The following TMEM52 variants were observed in gnomAD, a reference collection of about 807,000 sequenced individuals.
The protein encoded by TMEM52 is transmembrane protein 52.
In TMEM52, 14 loss-of-function variants were observed where a neutral mutation model predicts 16.2. That is an observed-to-expected ratio of 0.87 (90% CI 0.57 to 1.35). The LOEUF (loss-of-function observed/expected upper bound fraction) is 1.35. TMEM52 is among the 40% of genes most tolerant of loss of function. TMEM52 has a pLI of 0.00. For synonymous variants in TMEM52, 136 were observed against 124.7 expected (o/e 1.09, Z -0.60); for missense variants, 309 against 278.6 (o/e 1.11, Z -0.78).
chr1:1,918,983 C>A (rs1280373236), intron 2 of TMEM52, 49 bp from the exon 3 acceptor site: 2 of 1,346,792 alleles, frequency 1.5e-6, no homozygotes, highest in South Asian at 1.9e-5. Flanking sequence ...GACGGCCGAC[C>A]TCGCCACCCG....
At chr1:1,918,775 G>T in intron 3 of TMEM52, 118 bp downstream of exon 3, 2 of 1,238,550 alleles carry the variant, frequency 1.6e-6, no homozygotes, top group Non-Finnish European at 1.1e-6. Context: ...TCCCGCCAGC[G>T]GCCGGGACTG....
rs1222028061 is a variant in TMEM52 at position 1,918,432 on chromosome 1, C to CTA, written c.171-3_171-2dup. On this transcript the variant is annotated splice_acceptor_variant, in intron 3 of 4. Transcript: ENST00000310991. LOFTEE classifies it high-confidence loss of function. ...CAGGAGGACCGCCAGCAGGATGAGC[C>CTA]TAGGAGAGCAAGGCTCTACCACTGG... 2 of 1,610,976 alleles carry CTA rather than the reference C, an allele frequency of 1.2e-6. No individual in the cohort carries two copies. The highest frequency in any genetic ancestry group is 2.2e-5 in the South Asian group (2 of 90,736).
At position 1,918,430 on chromosome 1, in the gene TMEM52, G is replaced by C. The variant is rs1323291728; in HGVS notation, c.172C>G (p.Leu58Val). The C allele has an allele frequency of 1.2e-5, 20 of 1,610,912 alleles. No individual in the cohort carries two copies. Among genetic ancestry groups the C allele is most frequent in the Non-Finnish European group, 1.6e-5 (19 of 1,179,080 alleles). ...ARWSSLWHVG[L>V]ILLAVLLLLL... ...AGCAGGAGGACCGCCAGCAGGATGAGCCTAGGAGAGCAAGGCTCTACCACT... is the reference window on the plus strand; with the variant it reads ...AGCAGGAGGACCGCCAGCAGGATGACCCTAGGAGAGCAAGGCTCTACCACT... Residue 58 changes from leucine to valine, a missense_variant and splice_region_variant, in exon 4 of 5, where the codon CTC becomes GTC. Physicochemically the swap from Leu to Val is conservative, Grantham distance 32 (BLOSUM62 1). Coordinates refer to ENST00000310991, the MANE Select transcript of TMEM52 (RefSeq NM_178545.4).
Position 1,917,849 on chromosome 1 carries a change from T to C in TMEM52, c.*33A>G. ...TGGGGCCCTTGGCTCCAAGCATTAG[T>C]TCTCCAAGCTCTGGTCCGTTCTCCT... On this transcript the variant is annotated 3_prime_UTR_variant, in exon 5 of 5. Transcript: ENST00000310991. 1 of 1,597,482 alleles carries C rather than the reference T, an allele frequency of 6.3e-7. No individual in the cohort carries two copies. The highest frequency in any genetic ancestry group is 8.5e-7 in the Non-Finnish European group (1 of 1,169,872).
chr1:1,917,848 G>A lies in TMEM52; in HGVS notation c.*34C>T. ...CTGGGGCCCTTGGCTCCAAGCATTA[G>A]TTCTCCAAGCTCTGGTCCGTTCTCC... On this transcript the variant is annotated 3_prime_UTR_variant, in exon 5 of 5. Coordinates refer to ENST00000310991, the MANE Select transcript of TMEM52 (RefSeq NM_178545.4). 6 of 1,597,268 alleles carry A rather than the reference G, an allele frequency of 3.8e-6. No individual in the cohort carries two copies. The highest frequency in any genetic ancestry group is 5.1e-6 in the Non-Finnish European group (6 of 1,169,706).
chr1:1,918,362 G>A lies in TMEM52; in HGVS notation c.240C>T (p.Cys80=), dbSNP rs1221520125. 1 of 1,612,784 alleles carries A rather than the reference G, an allele frequency of 6.2e-7. No individual in the cohort carries two copies. Among genetic ancestry groups the A allele is most frequent in the Non-Finnish European group, 8.5e-7 (1 of 1,179,978 alleles). ...GCTGGGCCTGTGCCTGCTTCCGGAG[G>A]CAGCAGAACCGGACACAACCAGCTG... The part of the protein sequence containing the change: ...GVTAGCVRFC[C]LRKQAQAQPH... Residue 80 remains cysteine (C), a synonymous_variant, in exon 4 of 5, where the codon TGC becomes TGT. Transcript: ENST00000310991.
rs779897255 is a variant in TMEM52 at position 1,918,845 on chromosome 1, C to T, written c.170+48G>A. 3.4e-6 allele frequency: 5 copies of T among 1,492,162 alleles called. No homozygotes were observed. The South Asian group carries it at 5.1e-5, about 15-fold the overall frequency. The allele number at this position is 1,492,162 out of a possible 1,614,324, so 92.4% of individuals were successfully genotyped here. The stretch of plus-strand genomic sequence containing the variant: ...CTGGCGGGCCTGGCCCCGGTGACCC[C>T]CGCCCCAGAACCGTCGGACGCACGG... On this transcript the variant is annotated intron_variant, in intron 3 of 4. Transcript: ENST00000310991.
At chr1:1,919,143 C>T in intron 1 of TMEM52, 39 bp downstream of exon 1, 1 of 1,361,938 alleles carries the variant, frequency 7.3e-7, no homozygotes, top group Non-Finnish European at 9.4e-7. Flanking sequence ...GGACCCGCCC[C>T]GCGGTGGCCG....
chr1:1,918,297 ACTGC>A lies in TMEM52; in HGVS notation c.301_304del (p.Ala101SerfsTer14), dbSNP rs778295845. ...AGGGCTGTCACTGTCCATAGGGATG[ACTGC>A]CACGTCGCAGGGCTGCCGTGCTGGT... On this transcript the variant is annotated frameshift_variant, in exon 4 of 5. Coordinates refer to ENST00000310991, the MANE Select transcript of TMEM52 (RefSeq NM_178545.4). LOFTEE classifies it low-confidence loss of function (END_TRUNC). 2 of 1,612,860 alleles carry A rather than the reference ACTGC, an allele frequency of 1.2e-6. No individual in the cohort carries two copies. Among genetic ancestry groups the A allele is most frequent in the Admixed American group, 3.3e-5 (2 of 60,008 alleles).
At position 1,918,152 on chromosome 1, in the gene TMEM52, G is replaced by A. The variant is rs759748151; in HGVS notation, c.360C>T (p.Ser120=). The change falls in exon 5 of 5, where the codon TCC becomes TCT. Residue 120 remains serine, a synonymous_variant. Coordinates refer to ENST00000310991, the MANE Select transcript of TMEM52 (RefSeq NM_178545.4). ...ACCGCATGCCCAGTGGGTACTGCAC[G>A]GAGCTGTAGGCTGCAGGGAACCAGA... The part of the protein sequence containing the change: ...PVHSTVTSYS[S]VQYPLGMRLP... 17 of 1,612,160 alleles carry A rather than the reference G, an allele frequency of 1.1e-5. No individual in the cohort carries two copies. The highest frequency in any genetic ancestry group is 1.3e-5 in the African/African-American group (1 of 74,898).
At chr1:1,919,016 A>G (rs1353851994) in intron 2 of TMEM52, 29 bp downstream of exon 2, 4 of 1,336,652 alleles carry the variant, frequency 3.0e-6, no homozygotes, top group East Asian at 3.1e-5. Flanking sequence ...GGGCGGGGCC[A>G]GGCCCCGGCT....
At chr1:1,918,857 C>T (rs895172194) in intron 3 of TMEM52, 36 bp downstream of exon 3, 149 of 1,483,456 alleles carry the variant, frequency 1.0e-4, no homozygotes, top group Non-Finnish European at 1.3e-4. Context: ...GCCCCAGAAC[C>T]GTCGGACGCA....
Position 1,917,756 on chromosome 1 carries a change from C to A in TMEM52, c.*126G>T. ...AAGCAGCAGCCTGCCTAGTGGGTGACGCCAGGGGCCGGTGTAACATGGCAC... is the reference window on the plus strand; with the variant it reads ...AAGCAGCAGCCTGCCTAGTGGGTGAAGCCAGGGGCCGGTGTAACATGGCAC... On this transcript the variant is annotated 3_prime_UTR_variant, in exon 5 of 5. Transcript: ENST00000310991. 2.7e-6 allele frequency: 3 copies of A among 1,118,302 alleles called. No individual in the cohort carries two copies. The highest frequency in any genetic ancestry group is 3.9e-6 in the Non-Finnish European group (3 of 772,696). The allele number at this position is 1,118,302 out of a possible 1,614,324, so 69.3% of individuals were successfully genotyped here.
intron 3 of TMEM52, 27 bp from the exon 4 acceptor site, chr1:1,918,458 A>C (rs1170172131): frequency 1.3e-5 from 20 of 1,598,804 alleles, no homozygotes; most frequent in Non-Finnish European, 1.7e-5. Context: ...CTACCACTGG[A>C]CTGACCCTCG....
Position 1,917,646 on chromosome 1 carries a change from C to T in TMEM52, c.*236G>A. On this transcript the variant is annotated 3_prime_UTR_variant, in exon 5 of 5. Coordinates refer to ENST00000310991, the MANE Select transcript of TMEM52 (RefSeq NM_178545.4). ...AAGAAGATGCAGACGTCACAGGTGG[C>T]CCTGAGCTCCCACCCGAGGCTTAGG... 5.1e-6 allele frequency: 3 copies of T among 591,748 alleles called. No individual in the cohort carries two copies. Among genetic ancestry groups the T allele is most frequent in the Non-Finnish European group, 9.0e-6 (3 of 333,516 alleles). The allele number at this position is 591,748 out of a possible 1,614,324, so 36.7% of individuals were successfully genotyped here. A position where few individuals can be genotyped will look rare whatever the true frequency, so the allele number is the denominator to read the frequency against.
chr1:1,918,686 C>A, intron 3 of TMEM52: 1 of 699,266 alleles, frequency 1.4e-6, no homozygotes. Context: ...TGCCCCACTG[C>A]TGAGCGGGAT....
rs764344012 is a variant in TMEM52 at position 1,918,586 on chromosome 1, C to T, written c.171-155G>A. ...GAGACCGCCGTGGCCAGAGCCTGGC[C>T]TCGGGCTGCTGGGCCTGCCCTGGCT... On this transcript the variant is annotated intron_variant, in intron 3 of 4. Transcript: ENST00000310991. The T allele has an allele frequency of 4.9e-6, 4 of 809,064 alleles. No individual in the cohort carries two copies. In the South Asian group the frequency reaches 5.9e-5, roughly 12 times the overall value. The allele number at this position is 809,064 out of a possible 1,614,324, so 50.1% of individuals were successfully genotyped here. A position where few individuals can be genotyped will look rare whatever the true frequency, so the allele number is the denominator to read the frequency against.
At chr1:1,918,230 C>T in intron 4 of TMEM52, 23 bp downstream of exon 4, 1 of 1,608,216 alleles carries the variant, frequency 6.2e-7, no homozygotes. Context: ...CCACCCTCAA[C>T]TGGCGGGCCC....
chr1:1,918,099 A>C lies in TMEM52; in HGVS notation c.413T>G (p.Leu138Arg), dbSNP rs374694047. 1 of 1,613,128 alleles carries C rather than the reference A, an allele frequency of 6.2e-7. No homozygotes were observed. Among genetic ancestry groups the C allele is most frequent in the Non-Finnish European group, 8.5e-7 (1 of 1,179,682 alleles). ...GTAGGCAGGAGGAGCCATGGAGTCC[A>C]GGTCCAGCTCCCCAAAGGGCAGGGG... is the stretch of plus-strand genomic sequence containing the variant. ...RLPLPFGELDLDSMAPPAYSL... is the reference protein window; with the variant it reads ...RLPLPFGELDRDSMAPPAYSL... The change falls in exon 5 of 5, where the codon CTG becomes CGG. Residue 138 changes from leucine (L) to arginine (R), a missense_variant. Coordinates refer to ENST00000310991, the MANE Select transcript of TMEM52 (RefSeq NM_178545.4).
Sources: allele counts gnomAD v4.1 joint callset, GRCh38; gene constraint gnomAD v4.1.1; transcripts MANE v1.5; gene names NCBI Gene and HGNC (gene_info 2026-07-23, HGNC 2026-07-21).